Variants in SRGAP3 observed in about 807,000 individuals in gnomAD.
The protein encoded by SRGAP3 is SLIT-ROBO Rho GTPase-activating protein 3.
A neutral mutation model predicts 121.1 loss-of-function variants in SRGAP3; 39 were observed. That is an observed-to-expected ratio of 0.32 (90% confidence interval 0.25 to 0.42). The LOEUF is 0.42. Among genes scored for constraint, SRGAP3 ranks in the 10% least tolerant of loss-of-function variants. The pLI, the probability that SRGAP3 is intolerant of heterozygous loss-of-function variation, is 1.00. For synonymous variants in SRGAP3, 601 were observed against 570.0 expected (o/e 1.05, Z -0.77); for missense variants, 1,213 against 1,470.6 (o/e 0.82, Z 2.86).
intron 8 of SRGAP3, among the ~76,000 whole-genome samples, chr3:9,055,588 T>C (rs989130112): frequency 6.6e-6 from 1 of 152,270 alleles, no homozygotes; most frequent in East Asian, 1.9e-4. Flanking sequence ...AAGGCTGACC[T>C]GTTCCTTGGA....
intron 1 of SRGAP3, among the ~76,000 whole-genome samples, chr3:9,144,485 C>A (rs1041855591): frequency 6.6e-6 from 1 of 152,252 alleles, no homozygotes; most frequent in African/African-American, 2.4e-5. Context: ...CAAATCTCAA[C>A]TTAGATTGTA....
chr3:8,992,869 G>A (rs1173418466), intron 20 of SRGAP3, 37 bp downstream of exon 20: 1 of 1,613,972 alleles, frequency 6.2e-7, no homozygotes. Flanking sequence ...GAACAGGATT[G>A]ACACCAGCAG....
intron 1 of SRGAP3, among the ~76,000 whole-genome samples, chr3:9,130,210 C>T (rs547502110): frequency 4.7e-4 from 72 of 152,256 alleles, no homozygotes; most frequent in African/African-American, 1.7e-3. Flanking sequence ...CCACACACAA[C>T]ACCACTCACC....
intron 14 of SRGAP3, among the ~76,000 whole-genome samples, chr3:9,018,629 A>G (rs573198116): frequency 6.6e-6 from 1 of 152,348 alleles, no homozygotes; most frequent in East Asian, 1.9e-4. Context: ...TATGGTGTGC[A>G]ACTCAATAAA....
chr3:9,089,563 G>C (rs1377482857), intron 3 of SRGAP3, among the ~76,000 whole-genome samples: 1 of 152,148 alleles, frequency 6.6e-6, no homozygotes. Context: ...CCACCTACCT[G>C]TCCAATGCAC....
chr3:9,221,018 G>C (rs545620672), intron 1 of SRGAP3, among the ~76,000 whole-genome samples: 1 of 152,162 alleles, frequency 6.6e-6, no homozygotes, highest in Non-Finnish European at 1.5e-5. Context: ...CAGTGCCTGA[G>C]TCTTATTCCT....
chr3:9,145,334 G>C (rs1189013041), intron 1 of SRGAP3, among the ~76,000 whole-genome samples: 1 of 152,122 alleles, frequency 6.6e-6, no homozygotes, highest in Non-Finnish European at 1.5e-5. Flanking sequence ...GACCTCAGGT[G>C]GTCCACTTAC....
intron 3 of SRGAP3, among the ~76,000 whole-genome samples, chr3:9,316,755 A>T (rs1162672860): frequency 1.3e-5 from 2 of 152,218 alleles, no homozygotes; most frequent in Non-Finnish European, 2.9e-5. Context: ...TGCATCACAT[A>T]TATTGTTTAG....
intron 3 of SRGAP3, among the ~76,000 whole-genome samples, chr3:9,257,911 G>A (rs113845448): frequency 0.061 from 9,202 of 152,036 alleles, 368 homozygotes; most frequent in Non-Finnish European, 0.082. Flanking sequence ...CACCATCTTG[G>A]TGAGGCTGGT....
chr3:9,249,281 TCACACA>T lies in SRGAP3; in HGVS notation c.-336_-331del, dbSNP rs1348574438. On this transcript the variant is annotated 5_prime_UTR_variant, in exon 1 of 22. It introduces an in-frame stop codon into an upstream open reading frame of the 5' UTR. Transcript: ENST00000383836. ...TAATAATAGTAATAACCAAGCGCACTCACACACACATGCACACGTACACACACTCAC... is the reference window on the plus strand; with the variant it reads ...TAATAATAGTAATAACCAAGCGCACTCACATGCACACGTACACACACTCAC... 1 of 459,684 alleles carries T rather than the reference TCACACA, an allele frequency of 2.2e-6. No homozygotes were observed. Among genetic ancestry groups the T allele is most frequent in the Non-Finnish European group, 4.0e-6 (1 of 248,232 alleles). The allele number at this position is 459,684 out of a possible 1,614,324, so 28.5% of individuals were successfully genotyped here. A position where few individuals can be genotyped will look rare whatever the true frequency, so the allele number is the denominator to read the frequency against.
Position 9,032,570 on chromosome 3 carries a change from C to T in SRGAP3, c.1539+80G>A, listed in dbSNP as rs144674124. 45 of 1,336,402 alleles carry T rather than the reference C, an allele frequency of 3.4e-5. No homozygotes were observed. In the African/African-American group the frequency reaches 5.0e-4, roughly 15 times the overall value. 82.8% of individuals were successfully genotyped at this position (1,336,402 alleles called of 1,614,324 possible). ...AGGGCCTGGCCAAGGACAGGGCTGTCTGCTGGCAGGGAGGCGGGCGGACAG... is the reference window on the plus strand; with the variant it reads ...AGGGCCTGGCCAAGGACAGGGCTGTTTGCTGGCAGGGAGGCGGGCGGACAG... On this transcript the variant is annotated intron_variant, in intron 12 of 21. Coordinates refer to ENST00000383836, the MANE Select transcript of SRGAP3 (RefSeq NM_014850.4).
At chr3:9,085,146 C>CAATG (rs2125279755) in intron 3 of SRGAP3, among the ~76,000 whole-genome samples, 1 of 152,360 alleles carries the variant, frequency 6.6e-6, no homozygotes, top group East Asian at 1.9e-4. Context: ...TTCTCTCTGG[C>CAATG]AATGAATGCT....
chr3:8,993,203 G>C (rs2124940797), intron 19 of SRGAP3, 148 bp from the exon 20 acceptor site: 1 of 1,305,952 alleles, frequency 7.7e-7, no homozygotes, highest in Non-Finnish European at 1.1e-6. Flanking sequence ...CTGCCCACTG[G>C]GTGCCTTCCC....
chr3:9,010,237 G>A, intron 18 of SRGAP3, 71 bp downstream of exon 18: 1 of 1,545,712 alleles, frequency 6.5e-7, no homozygotes, highest in Non-Finnish European at 8.9e-7. Flanking sequence ...CAGCCCTGTG[G>A]TTGGGCTGAC....
intron 3 of SRGAP3, among the ~76,000 whole-genome samples, chr3:9,270,306 A>C (rs1053184387): frequency 7.2e-5 from 11 of 152,348 alleles, no homozygotes; most frequent in African/African-American, 2.4e-4. Context: ...ATCTTTACAT[A>C]TATGTGTATC....
intron 1 of SRGAP3, among the ~76,000 whole-genome samples, chr3:9,134,683 T>G (rs1024203634): frequency 1.2e-4 from 18 of 152,064 alleles, no homozygotes; most frequent in African/African-American, 4.3e-4. Flanking sequence ...TCCTGCTGCC[T>G]CCTCTTTCAA....
chr3:9,280,256 GCAAA>G (rs1440424701), intron 3 of SRGAP3, among the ~76,000 whole-genome samples: 1 of 152,228 alleles, frequency 6.6e-6, no homozygotes, highest in Non-Finnish European at 1.5e-5. Flanking sequence ...AACCAGACAG[GCAAA>G]CAGACAGCAC....
At chr3:9,351,606 T>C (rs1041832438) in intron 1 of SRGAP3, among the ~76,000 whole-genome samples, 1 of 152,220 alleles carries the variant, frequency 6.6e-6, no homozygotes, top group Non-Finnish European at 1.5e-5. Flanking sequence ...AAAGTTTTAG[T>C]GAATGCATGG....
At position 9,104,810 on chromosome 3, in the gene SRGAP3, C is replaced by G; in HGVS notation, c.293G>C (p.Cys98Ser). The change falls in exon 3 of 22, where the codon TGT becomes TCT. Residue 98 changes from cysteine (C) to serine (S), a missense_variant. Transcript: ENST00000383836. ...KDQYLLSPVN[C>S]WYLVLHQTRR... The stretch of plus-strand genomic sequence containing the variant: ...GGTCTGATGCAGAACCAGATACCAA[C>G]AGTTCACAGGCGAGAGGAGGTACTG... 6.2e-7 allele frequency: 1 copy of G among 1,614,244 alleles called. No individual in the cohort carries two copies. Among genetic ancestry groups the G allele is most frequent in the Non-Finnish European group, 8.5e-7 (1 of 1,180,048 alleles).
Sources: gnomAD v4.1 joint callset for allele counts (sites outside exome capture counted in the v4.1 genomes callset) on GRCh38, gnomAD v4.1.1 for gene constraint, MANE v1.5 for transcripts, NCBI Gene and HGNC (gene_info 2026-07-23, HGNC 2026-07-21) for gene names.